Variants in ATXN10 observed in about 807,000 individuals in gnomAD.
ATXN10 encodes ataxin 10, also known as ataxin-10.
A neutral mutation model predicts 52.9 loss-of-function variants in ATXN10; 28 were observed. That is an observed-to-expected ratio of 0.53 (90% CI 0.39 to 0.73). The LOEUF (loss-of-function observed/expected upper bound fraction) is 0.73. Ranked by LOEUF, ATXN10 falls within the 30% of genes least tolerant of loss-of-function variation. ATXN10 has a pLI of 0.00. For synonymous variants in ATXN10, 226 were observed against 221.5 expected (o/e 1.02, Z -0.18); for missense variants, 565 against 577.0 (o/e 0.98, Z 0.21).
In ATXN10 at chr22:45,844,489, A is replaced by T. The variant is rs1208395776; in HGVS notation, c.*818A>T. ...GATTTAAAAAGCACCAGTCTCATAA[A>T]GGTGCCACTCAGTTTTAGCCATGTC... On this transcript the variant is annotated 3_prime_UTR_variant, in exon 12 of 12. Transcript: ENST00000252934. 1 of 152,252 alleles carries T rather than the reference A, an allele frequency of 6.6e-6. No homozygotes were observed. The highest frequency in any genetic ancestry group is 1.9e-4 in the East Asian group (1 of 5,200). The allele number at this position is 152,252 out of a possible 1,614,324, so 9.4% of individuals were successfully genotyped here. A position where few individuals can be genotyped will look rare whatever the true frequency, so the allele number is the denominator to read the frequency against.
At chr22:45,767,462 T>A (rs972757959) in intron 9 of ATXN10, among the ~76,000 whole-genome samples, 6 of 151,666 alleles carry the variant, frequency 4.0e-5, no homozygotes, top group Non-Finnish European at 8.8e-5. Flanking sequence ...CACCACACAT[T>A]TTTTCTATAT....
rs1463151007 is a variant in ATXN10 at position 45,818,182 on chromosome 22, G to C, written c.1237+11160G>C. Among the ~76,000 whole-genome samples, 5 of 152,186 alleles carry C rather than the reference G, an allele frequency of 3.3e-5. No individual in the cohort carries two copies. Among genetic ancestry groups the C allele is most frequent in the Admixed American group, 3.3e-4 (5 of 15,282 alleles). On this transcript the variant is annotated intron_variant, in intron 10 of 11. Transcript: ENST00000252934. The surrounding 1 kb of genome is among the most constrained non-coding windows in gnomAD (Gnocchi z 4.6). Reference sequence around the variant, plus strand: ...TGCCTCTCATTTTCTTACACCTCCAGAATCACAGAGGCTAGAAGCTAAAGC... The same window carrying C: ...TGCCTCTCATTTTCTTACACCTCCACAATCACAGAGGCTAGAAGCTAAAGC...
At chr22:45,723,842 G>C (rs1418612256) in intron 6 of ATXN10, among the ~76,000 whole-genome samples, 1 of 151,952 alleles carries the variant, frequency 6.6e-6, no homozygotes, top group East Asian at 1.9e-4. Flanking sequence ...TGTTATCCCA[G>C]CTACTCGGGG....
At position 45,833,752 on chromosome 22, in the gene ATXN10, G is replaced by A. The variant is rs923400294; in HGVS notation, c.1238-9239G>A. Among the ~76,000 whole-genome samples the A allele has an allele frequency of 6.6e-6, 1 of 152,194 alleles. No individual in the cohort carries two copies. Among genetic ancestry groups the A allele is most frequent in the African/African-American group, 2.4e-5 (1 of 41,442 alleles). On this transcript the variant is annotated intron_variant, in intron 10 of 11. Coordinates refer to ENST00000252934, the MANE Select transcript of ATXN10 (RefSeq NM_013236.4). The surrounding 1 kb of genome is among the most constrained non-coding windows in gnomAD (Gnocchi z 4.3). ...AACCTACCGTTCCTTGTACTGGTTT[G>A]TAGGCATAGCTCAGAAACGTGCAGT...
rs1215026189 is a variant in ATXN10 at position 45,759,240 on chromosome 22, G to T, written c.1173+18702G>T. Among the ~76,000 whole-genome samples, 3 of 152,158 alleles carry T rather than the reference G, an allele frequency of 2.0e-5. No individual in the cohort carries two copies. The highest frequency in any genetic ancestry group is 7.2e-5 in the African/African-American group (3 of 41,450). The stretch of plus-strand genomic sequence containing the variant: ...GTAAAAGATTCTAGAGTCCGGGCAT[G>T]GTGGTTCACACCTGTAATCCCAACA... On this transcript the variant is annotated intron_variant, in intron 9 of 11. Transcript: ENST00000252934. This position sits in a 1 kb window ranked among gnomAD's most constrained non-coding sequence, Gnocchi z 5.4.
In ATXN10 at chr22:45,690,044, A is replaced by G; in HGVS notation, c.308+141A>G. Reference sequence around the variant, plus strand: ...TCCCAGCATTTTGGGAGGCTGAGGCAGGAGGATTGCTTGAGTCCAGGAGTT... The same window carrying G: ...TCCCAGCATTTTGGGAGGCTGAGGCGGGAGGATTGCTTGAGTCCAGGAGTT... On this transcript the variant is annotated intron_variant, in intron 2 of 11. Coordinates refer to ENST00000252934, the MANE Select transcript of ATXN10 (RefSeq NM_013236.4). The surrounding 1 kb of genome is among the most constrained non-coding windows in gnomAD (Gnocchi z 4.5). 1.2e-6 allele frequency: 1 copy of G among 835,270 alleles called. No homozygotes were observed. Among genetic ancestry groups the G allele is most frequent in the Non-Finnish European group, 2.0e-6 (1 of 512,544 alleles). The allele number at this position is 835,270 out of a possible 1,614,324, so 51.7% of individuals were successfully genotyped here.
At chr22:45,736,139 C>A (rs926740493) in intron 7 of ATXN10, among the ~76,000 whole-genome samples, 3 of 152,000 alleles carry the variant, frequency 2.0e-5, no homozygotes, top group Non-Finnish European at 4.4e-5. Flanking sequence ...TTATTTCTGT[C>A]ATTTTAACGT....
At chr22:45,791,734 T>C (rs1927518511) in intron 9 of ATXN10, among the ~76,000 whole-genome samples, 1 of 152,200 alleles carries the variant, frequency 6.6e-6, no homozygotes, top group Admixed American at 6.5e-5. Context: ...TAAAAAGGCC[T>C]TTAATTTCTT....
rs1001317315 is a variant in ATXN10 at position 45,672,062 on chromosome 22, A to G, written c.-2A>G. 6.5e-6 allele frequency: 10 copies of G among 1,536,088 alleles called. No individual in the cohort carries two copies. In the African/African-American group the frequency reaches 1.4e-4, roughly 21 times the overall value. On this transcript the variant is annotated 5_prime_UTR_variant, in exon 1 of 12. Coordinates refer to ENST00000252934, the MANE Select transcript of ATXN10 (RefSeq NM_013236.4). Reference sequence around the variant, plus strand: ...AGGCTCGACCCAGCTGTGAGCGGCAAGATGGCGGCGCCCAGGCCGCCGCCT... The same window carrying G: ...AGGCTCGACCCAGCTGTGAGCGGCAGGATGGCGGCGCCCAGGCCGCCGCCT...
intron 5 of ATXN10, among the ~76,000 whole-genome samples, chr22:45,706,103 C>T (rs138145): frequency 3.3e-5 from 5 of 152,302 alleles, no homozygotes; most frequent in Non-Finnish European, 7.3e-5. Flanking sequence ...ACCGTCCCCC[C>T]ACCCCTGTCT....
chr22:45,720,879 C>T (rs1454375160), intron 6 of ATXN10, among the ~76,000 whole-genome samples: 3 of 152,098 alleles, frequency 2.0e-5, no homozygotes, highest in Non-Finnish European at 4.4e-5. Flanking sequence ...AAGAACATGG[C>T]ACTGGCATTT....
intron 9 of ATXN10, among the ~76,000 whole-genome samples, chr22:45,791,782 A>T (rs1391624620): frequency 2.0e-5 from 3 of 152,242 alleles, no homozygotes; most frequent in African/African-American, 7.2e-5. Flanking sequence ...GAACAAAGTC[A>T]TACTAGCCTT....
chr22:45,785,989 AT>A (rs1476131501), intron 9 of ATXN10, among the ~76,000 whole-genome samples: 2 of 151,792 alleles, frequency 1.3e-5, no homozygotes, highest in African/African-American at 4.8e-5. Flanking sequence ...CATTCACCAA[AT>A]TTTTTTTTCA....
intron 5 of ATXN10, chr22:45,703,933 G>T (rs1923937973): frequency 6.6e-6 from 1 of 152,170 alleles, no homozygotes; most frequent in African/African-American, 2.4e-5. Flanking sequence ...CCCATCTCGG[G>T]TTCCAGGAGG....
intron 1 of ATXN10, chr22:45,672,757 A>T (rs1922520093): frequency 6.6e-6 from 1 of 152,432 alleles, no homozygotes; most frequent in South Asian, 2.1e-4. Flanking sequence ...TCCTGATGCC[A>T]CTGAGGGGCA....
intron 6 of ATXN10, among the ~76,000 whole-genome samples, chr22:45,721,735 A>G (rs1438283141): frequency 6.6e-6 from 1 of 152,156 alleles, no homozygotes; most frequent in Non-Finnish European, 1.5e-5. Context: ...TAATCCTCAC[A>G]GACTCTGTGA....
chr22:45,719,468 A>G (rs1408045439), intron 6 of ATXN10, among the ~76,000 whole-genome samples: 2 of 152,020 alleles, frequency 1.3e-5, no homozygotes, highest in African/African-American at 2.4e-5. Flanking sequence ...TTCTTTCCCT[A>G]TATGTATACC....
At chr22:45,791,515 G>A (rs897409686) in intron 9 of ATXN10, among the ~76,000 whole-genome samples, 1 of 152,084 alleles carries the variant, frequency 6.6e-6, no homozygotes, top group Non-Finnish European at 1.5e-5. Context: ...TAGGGGCTAA[G>A]CATGGTCGGG....
chr22:45,791,779 G>A (rs1324539455), intron 9 of ATXN10, among the ~76,000 whole-genome samples: 3 of 152,152 alleles, frequency 2.0e-5, no homozygotes, highest in East Asian at 3.8e-4. Flanking sequence ...TTGGAACAAA[G>A]TCATACTAGC....
Sources: allele counts gnomAD v4.1 joint callset (sites outside exome capture counted in the v4.1 genomes callset), GRCh38; gene constraint gnomAD v4.1.1; non-coding constraint Gnocchi (gnomAD v3.1); transcripts MANE v1.5; gene names NCBI Gene and HGNC (gene_info 2026-07-23, HGNC 2026-07-21).